The following C1orf159 variants were observed in gnomAD, a reference collection of about 807,000 sequenced individuals.
The protein encoded by C1orf159 is chromosome 1 open reading frame 159, also known as uncharacterized protein C1orf159.
A neutral mutation model predicts 25.6 loss-of-function variants in C1orf159; 19 were observed. The ratio of observed to expected loss-of-function variants is 0.74; its 90% CI spans 0.52 to 1.09. The LOEUF is 1.09. C1orf159 is among the 50% of genes least tolerant of loss of function. The pLI is 0.00. For synonymous variants in C1orf159, 139 were observed against 124.7 expected (o/e 1.12, Z -0.77); for missense variants, 274 against 290.6 (o/e 0.94, Z 0.42).
intron 1 of C1orf159, among the ~76,000 whole-genome samples, chr1:1,093,302 T>G (rs1315657904): frequency 1.3e-5 from 2 of 152,216 alleles, no homozygotes; most frequent in Non-Finnish European, 2.9e-5. Flanking sequence ...TCACAAAACA[T>G]CATTTTGATT....
intron 1 of C1orf159, among the ~76,000 whole-genome samples, chr1:1,098,309 T>G (rs958020002): frequency 6.6e-6 from 1 of 152,116 alleles, no homozygotes; most frequent in Admixed American, 6.6e-5. Flanking sequence ...GTCCTTCTGA[T>G]CCACCCACCT....
intron 1 of C1orf159, among the ~76,000 whole-genome samples, chr1:1,111,780 G>T (rs758928502): frequency 6.6e-6 from 1 of 152,182 alleles, no homozygotes; most frequent in African/African-American, 2.4e-5. Context: ...CCCGAGGGCT[G>T]GCTGGAGCTT....
chr1:1,114,083 A>G (rs559713737), intron 1 of C1orf159, among the ~76,000 whole-genome samples: 1 of 151,910 alleles, frequency 6.6e-6, no homozygotes, highest in African/African-American at 2.4e-5. Context: ...TGCCCGGCTA[A>G]TTTTTGTATT....
At chr1:1,094,090 C>T (rs1308990914) in intron 1 of C1orf159, among the ~76,000 whole-genome samples, 1 of 151,562 alleles carries the variant, frequency 6.6e-6, no homozygotes, top group African/African-American at 2.4e-5. Flanking sequence ...GCAACATATA[C>T]CTTTTTTTTT....
chr1:1,088,749 C>G (rs555834369), intron 4 of C1orf159, among the ~76,000 whole-genome samples: 1 of 152,174 alleles, frequency 6.6e-6, no homozygotes, highest in Non-Finnish European at 1.5e-5. Flanking sequence ...CGCCTCGACC[C>G]TTCCTCACAG....
Position 1,089,137 on chromosome 1 carries a change from T to G in C1orf159, c.148+1216A>C, listed in dbSNP as rs1343582426. On this transcript the variant is annotated intron_variant, in intron 4 of 9. Coordinates refer to ENST00000421241, the MANE Select transcript of C1orf159 (RefSeq NM_017891.5). This position sits in a 1 kb window ranked among gnomAD's most constrained non-coding sequence, Gnocchi z 7.5. ...GGGGCCGCACGCAGGGGGAAGCGTATCCAACACCGCAGGCCCGGCCCCTCC... is the reference window on the plus strand; with the variant it reads ...GGGGCCGCACGCAGGGGGAAGCGTAGCCAACACCGCAGGCCCGGCCCCTCC... Among the ~76,000 whole-genome samples, 2 of 152,074 alleles carry G rather than the reference T, an allele frequency of 1.3e-5. No homozygotes were observed. Among genetic ancestry groups the G allele is most frequent in the Admixed American group, 6.5e-5 (1 of 15,278 alleles).
intron 1 of C1orf159, among the ~76,000 whole-genome samples, chr1:1,105,664 G>A (rs1279665648): frequency 1.3e-5 from 2 of 152,128 alleles, no homozygotes; most frequent in Admixed American, 6.5e-5. Context: ...GGTGGATCAC[G>A]AGGTCAGGAG....
chr1:1,111,337 G>T lies in C1orf159; in HGVS notation c.-136+4723C>A, dbSNP rs34820586. Among the ~76,000 whole-genome samples the T allele has an allele frequency of 1.4e-4, 21 of 147,542 alleles. No individual in the cohort carries two copies. In the South Asian group the frequency reaches 4.3e-3, roughly 30 times the overall value. On this transcript the variant is annotated intron_variant, in intron 1 of 9. Transcript: ENST00000421241. ...GAGCCCAGGAGTTCAAAACCAGCCC[G>T]GACAACAGAGTGAGATCTCATCTCT...
rs114326054 is a variant in C1orf159 at position 1,087,043 on chromosome 1, G to A, written c.310+96C>T. 37,004 of 1,269,024 alleles carry A rather than the reference G, an allele frequency of 0.029. 708 individuals are homozygous for A. Among genetic ancestry groups the A allele is most frequent in the Non-Finnish European group, 0.034 (30,829 of 902,842 alleles). The allele number at this position is 1,269,024 out of a possible 1,614,324, so 78.6% of individuals were successfully genotyped here. A position where few individuals can be genotyped will look rare whatever the true frequency, so the allele number is the denominator to read the frequency against. ...GGCTGTTTTGCAGAACCCTGAGCCTGCTGTGGCTGCGTCAAGGGTGAGGGT... is the reference window on the plus strand; with the variant it reads ...GGCTGTTTTGCAGAACCCTGAGCCTACTGTGGCTGCGTCAAGGGTGAGGGT... On this transcript the variant is annotated intron_variant, in intron 6 of 9. Transcript: ENST00000421241. This position sits in a 1 kb window ranked among gnomAD's most constrained non-coding sequence, Gnocchi z 8.3.
chr1:1,095,457 G>T (rs1220475534), intron 1 of C1orf159, among the ~76,000 whole-genome samples: 1 of 152,162 alleles, frequency 6.6e-6, no homozygotes, highest in African/African-American at 2.4e-5. Context: ...TGTAATTTCT[G>T]ATTTCATGTT....
At chr1:1,084,315 T>C in intron 9 of C1orf159, 38 bp downstream of exon 9, 1 of 1,525,556 alleles carries the variant, frequency 6.6e-7, no homozygotes, top group Non-Finnish European at 8.8e-7. Flanking sequence ...GGCCCAGAGA[T>C]GGGAAACCCC....
intron 1 of C1orf159, among the ~76,000 whole-genome samples, 180 bp downstream of exon 1, chr1:1,115,880 G>A (rs1161385378): frequency 2.7e-5 from 4 of 150,128 alleles, no homozygotes; most frequent in African/African-American, 7.4e-5. Context: ...CGCGGGCCCA[G>A]GCGCTGGCGG....
At chr1:1,085,167 G>A in intron 7 of C1orf159, 1 of 324,244 alleles carries the variant, frequency 3.1e-6, no homozygotes, top group South Asian at 2.2e-5. Flanking sequence ...GGATGGACAG[G>A]GGTCTCACAG....
chr1:1,084,967 G>A (rs534911270), intron 7 of C1orf159, among the ~76,000 whole-genome samples: 27 of 152,140 alleles, frequency 1.8e-4, no homozygotes, highest in African/African-American at 5.3e-4. Context: ...CCGTGGCATC[G>A]TGGCCAACCT....
chr1:1,084,621 G>T, intron 7 of C1orf159, 115 bp from the exon 8 acceptor site: 1 of 1,371,862 alleles, frequency 7.3e-7, no homozygotes, highest in Non-Finnish European at 9.9e-7. Context: ...GCCCAGTGCG[G>T]CGTCCTCGGA....
chr1:1,112,044 G>C (rs181373740), intron 1 of C1orf159, among the ~76,000 whole-genome samples: 3 of 152,228 alleles, frequency 2.0e-5, no homozygotes, highest in Non-Finnish European at 4.4e-5. Context: ...GGCGGTTGCC[G>C]TAGGTGGCTC....
chr1:1,087,544 T>C lies in C1orf159; in HGVS notation c.202A>G (p.Asn68Asp). 1 of 1,549,538 alleles carries C rather than the reference T, an allele frequency of 6.5e-7. No homozygotes were observed. Among genetic ancestry groups the C allele is most frequent in the Non-Finnish European group, 8.7e-7 (1 of 1,146,668 alleles). ...DGSASCVRCG[N>D]GTLPAYNGSE... Reference sequence around the variant, plus strand: ...CCGTTGTAGGCTGGGAGGGTTCCGTTCCCACAGCGGACGCAGCTGGCGCTC... The same window carrying C: ...CCGTTGTAGGCTGGGAGGGTTCCGTCCCCACAGCGGACGCAGCTGGCGCTC... Residue 68 changes from asparagine to aspartate, a missense_variant, in exon 5 of 10, where the codon AAC becomes GAC. By Grantham distance (23) the Asn-to-Asp change is conservative (BLOSUM62 1). Transcript: ENST00000421241. This position sits in a 1 kb window ranked among gnomAD's most constrained non-coding sequence, Gnocchi z 8.3.
In C1orf159 at chr1:1,088,570, G is replaced by A. The variant is rs561335627; in HGVS notation, c.149-973C>T. ...CTCATCCCCCCGCCAGGCCGACGCTGCGCCTGAAGCCTCATTTCCGCCCAC... is the reference window on the plus strand; with the variant it reads ...CTCATCCCCCCGCCAGGCCGACGCTACGCCTGAAGCCTCATTTCCGCCCAC... On this transcript the variant is annotated intron_variant, in intron 4 of 9. Transcript: ENST00000421241. Among the ~76,000 whole-genome samples, 125 of 151,446 alleles carry A rather than the reference G, an allele frequency of 8.3e-4. 1 individual carries two copies. The highest frequency in any genetic ancestry group is 2.9e-3 in the African/African-American group (119 of 41,258).
chr1:1,113,104 G>C (rs1646284292), intron 1 of C1orf159, among the ~76,000 whole-genome samples: 1 of 151,840 alleles, frequency 6.6e-6, no homozygotes, highest in Non-Finnish European at 1.5e-5. Context: ...GCTGAGGCAG[G>C]AGAATGACAT....
Sources: gnomAD v4.1 joint callset for allele counts (sites outside exome capture counted in the v4.1 genomes callset) on GRCh38, gnomAD v4.1.1 for gene constraint, Gnocchi (gnomAD v3.1) non-coding constraint, MANE v1.5 for transcripts, NCBI Gene and HGNC (gene_info 2026-07-23, HGNC 2026-07-21) for gene names.